The following LY6L variants were observed in gnomAD, a reference collection of about 807,000 sequenced individuals.
LY6L encodes lymphocyte antigen 6L.
In LY6L, 8 loss-of-function variants were observed where a neutral mutation model predicts 8.3. That is an observed-to-expected ratio of 0.97 (90% CI 0.57 to 1.74). The LOEUF (loss-of-function observed/expected upper bound fraction) is 1.74. Ranked by LOEUF, LY6L falls within the 40% of genes most tolerant of loss-of-function variation. The pLI, the probability that LY6L is intolerant of heterozygous loss-of-function variation, is 0.00. For synonymous variants in LY6L, 79 were observed against 77.9 expected (o/e 1.01, Z -0.07); for missense variants, 156 against 183.8 (o/e 0.85, Z 0.87).
At chr8:143,082,310 C>G (rs1293672646) in intron 3 of LY6L, 115 bp from the exon 4 acceptor site, 5 of 730,468 alleles carry the variant, frequency 6.8e-6, no homozygotes, top group Non-Finnish European at 1.1e-5. Context: ...GTTACGTGCT[C>G]TAGCTCTTTC....
chr8:143,081,160 G>C (rs112209434), intron 2 of LY6L, 34 bp downstream of exon 2: 60 of 1,531,312 alleles, frequency 3.9e-5, no homozygotes, highest in Non-Finnish European at 5.1e-5. Context: ...TGGGGGCGTC[G>C]GGGCTGGAGC....
In LY6L at chr8:143,082,643, C is replaced by T. The variant is rs1457751359; in HGVS notation, c.409C>T (p.Leu137=). Reference sequence around the variant, plus strand: ...GGTGGGCCTCAGCCTCCTCAGGGCCCTGTTGTGAGGGCCCTCCCTTTACGC... The same window carrying T: ...GGTGGGCCTCAGCCTCCTCAGGGCCTTGTTGTGAGGGCCCTCCCTTTACGC... ...LQVGLSLLRA[L]L The change falls in exon 4 of 4, where the codon CTG becomes TTG. Residue 137 remains leucine (L), a synonymous_variant. Transcript: ENST00000562505. 2 of 1,492,762 alleles carry T rather than the reference C, an allele frequency of 1.3e-6. No homozygotes were observed. The highest frequency in any genetic ancestry group is 5.0e-5 in the East Asian group (2 of 40,212). The allele number at this position is 1,492,762 out of a possible 1,614,324, so 92.5% of individuals were successfully genotyped here. A position where few individuals can be genotyped will look rare whatever the true frequency, so the allele number is the denominator to read the frequency against.
chr8:143,081,007 T>C (rs1329306622), intron 1 of LY6L, 29 bp from the exon 2 acceptor site: 6 of 1,476,288 alleles, frequency 4.1e-6, no homozygotes, highest in Middle Eastern at 3.5e-4. Flanking sequence ...GGGTGAAGCC[T>C]CCCGCAACAC....
intron 3 of LY6L, 103 bp from the exon 4 acceptor site, chr8:143,082,322 G>A (rs1490544042): frequency 2.5e-6 from 2 of 812,012 alleles, no homozygotes; most frequent in Non-Finnish European, 3.9e-6. Context: ...AGCTCTTTCT[G>A]GTCCCGGCTG....
rs1041272028 is a variant in LY6L at position 143,082,713 on chromosome 8, G to A, written c.*62G>A. On this transcript the variant is annotated 3_prime_UTR_variant, in exon 4 of 4. Coordinates refer to ENST00000562505, the MANE Select transcript of LY6L (RefSeq NM_001368160.2). Reference sequence around the variant, plus strand: ...CCCATCCCGTCTCCTGCCTCCAACTGCCATCCTGCCTCCGCCCCTTCCAGG... The same window carrying A: ...CCCATCCCGTCTCCTGCCTCCAACTACCATCCTGCCTCCGCCCCTTCCAGG... 2 of 1,285,538 alleles carry A rather than the reference G, an allele frequency of 1.6e-6. No individual in the cohort carries two copies. The highest frequency in any genetic ancestry group is 3.0e-5 in the African/African-American group (2 of 66,690). The allele number at this position is 1,285,538 out of a possible 1,614,324, so 79.6% of individuals were successfully genotyped here.
chr8:143,081,965 G>A (rs574840578), intron 3 of LY6L, among the ~76,000 whole-genome samples: 2 of 152,146 alleles, frequency 1.3e-5, no homozygotes, highest in Non-Finnish European at 2.9e-5. Flanking sequence ...AGACACGTCC[G>A]TCAGAAAGTC....
chr8:143,082,518 A>G lies in LY6L; in HGVS notation c.284A>G (p.Gln95Arg), dbSNP rs1376948515. Residue 95 changes from glutamine to arginine, a missense_variant, in exon 4 of 4, where the codon CAA (glutamine) becomes CGA (arginine). Gln to Arg is a conservative substitution (Grantham distance 43). Transcript: ENST00000562505. ...KFEWSPAPMVQGVITRRCCSW... is the reference protein window; with the variant it reads ...KFEWSPAPMVRGVITRRCCSW... ...GAATGGTCGCCGGCCCCCATGGTGCAAGGCGTGATCACCAGGCGCTGCTGT... is the reference window on the plus strand; with the variant it reads ...GAATGGTCGCCGGCCCCCATGGTGCGAGGCGTGATCACCAGGCGCTGCTGT... The G allele has an allele frequency of 6.5e-7, 1 of 1,535,270 alleles. No homozygotes were observed. Among genetic ancestry groups the G allele is most frequent in the African/African-American group, 1.4e-5 (1 of 73,040 alleles).
rs200469249 is a variant in LY6L, at chr8:143,082,667, G to GCC, written c.*20_*21dup. 19 of 1,450,358 alleles carry GCC rather than the reference G, an allele frequency of 1.3e-5. No homozygotes were observed. In the Admixed American group the frequency reaches 2.3e-4, roughly 17 times the overall value. 89.8% of individuals were successfully genotyped at this position (1,450,358 alleles called of 1,614,324 possible). Reference sequence around the variant, plus strand: ...CCTGTTGTGAGGGCCCTCCCTTTACGCCCCCTCCTGGCCCTGCTGGCCCAT... The same window carrying GCC: ...CCTGTTGTGAGGGCCCTCCCTTTACGCCCCCCCTCCTGGCCCTGCTGGCCCAT... On this transcript the variant is annotated 3_prime_UTR_variant, in exon 4 of 4. Coordinates refer to ENST00000562505, the MANE Select transcript of LY6L (RefSeq NM_001368160.2).
Position 143,081,193 on chromosome 8 carries a change from CCCGCTTGCTG to C in LY6L, c.74-15_74-6del. The C allele has an allele frequency of 6.5e-7, 1 of 1,527,278 alleles. No homozygotes were observed. The highest frequency in any genetic ancestry group is 2.0e-5 in the Admixed American group (1 of 50,576). The allele number at this position is 1,527,278 out of a possible 1,614,324, so 94.6% of individuals were successfully genotyped here. ...AGCTGCGGACGCTGGTCCACAGCGCCCCGCTTGCTGCCCACAGCTCGCAACCTGAGCTGCT... is the reference window on the plus strand; with the variant it reads ...AGCTGCGGACGCTGGTCCACAGCGCCCCCACAGCTCGCAACCTGAGCTGCT... On this transcript the variant is annotated splice_region_variant and splice_polypyrimidine_tract_variant and intron_variant, in intron 2 of 3. Transcript: ENST00000562505.
Position 143,082,581 on chromosome 8 carries a change from A to G in LY6L, c.347A>G (p.Glu116Gly). Residue 116 changes from glutamate (E) to glycine (G), a missense_variant, in exon 4 of 4, where the codon GAG becomes GGG. Physicochemically the swap from Glu to Gly is moderately conservative, Grantham distance 98. Transcript: ENST00000562505. ...ALCNRALTPQ[E>G]GRWALRGGLL... is the part of the protein sequence containing the mutation. ...TGCAACAGGGCACTGACCCCACAGG[A>G]GGGGCGCTGGGCCCTGCGAGGGGGG... 1 of 1,533,926 alleles carries G rather than the reference A, an allele frequency of 6.5e-7. No individual in the cohort carries two copies. Among genetic ancestry groups the G allele is most frequent in the Non-Finnish European group, 8.7e-7 (1 of 1,145,490 alleles).
In LY6L at chr8:143,082,508, C is replaced by G; in HGVS notation, c.274C>G (p.Pro92Ala). The stretch of plus-strand genomic sequence containing the variant: ...CATGAAGTTCGAATGGTCGCCGGCC[C>G]CCATGGTGCAAGGCGTGATCACCAG... ...DNMKFEWSPA[P>A]MVQGVITRRC... Residue 92 changes from proline to alanine, a missense_variant, in exon 4 of 4, where the codon CCC (proline) becomes GCC (alanine). Pro to Ala is a conservative substitution (Grantham distance 27, BLOSUM62 -1). Coordinates refer to ENST00000562505, the MANE Select transcript of LY6L (RefSeq NM_001368160.2). 2 of 1,535,492 alleles carry G rather than the reference C, an allele frequency of 1.3e-6. No individual in the cohort carries two copies. The highest frequency in any genetic ancestry group is 1.7e-6 in the Non-Finnish European group (2 of 1,146,724).
rs1185807089 is a variant in LY6L, at chr8:143,081,340, C to A, written c.190+13C>A. ...GTCGTCTCTTTTAGTGAGTCCCCCC[C>A]GGGCAGAGGGCAGGTGCCAGGTGCC... On this transcript the variant is annotated intron_variant, in intron 3 of 3. Coordinates refer to ENST00000562505, the MANE Select transcript of LY6L (RefSeq NM_001368160.2). The A allele has an allele frequency of 1.4e-6, 2 of 1,463,938 alleles. No individual in the cohort carries two copies. The highest frequency in any genetic ancestry group is 2.5e-5 in the East Asian group (1 of 39,746). 90.7% of individuals were successfully genotyped at this position (1,463,938 alleles called of 1,614,324 possible).
At position 143,082,749 on chromosome 8, in the gene LY6L, G is replaced by T; in HGVS notation, c.*98G>T. ...TCCGCCCCTTCCAGGACACTGGGGG[G>T]GGACCCTCCCTCTCTGAGGTGGTGG... On this transcript the variant is annotated 3_prime_UTR_variant, in exon 4 of 4. Transcript: ENST00000562505. 2 of 1,016,028 alleles carry T rather than the reference G, an allele frequency of 2.0e-6. No homozygotes were observed. The highest frequency in any genetic ancestry group is 2.7e-6 in the Non-Finnish European group (2 of 728,266). 62.9% of individuals were successfully genotyped at this position (1,016,028 alleles called of 1,614,324 possible).
chr8:143,083,005 C>T lies in LY6L; in HGVS notation c.*354C>T, dbSNP rs965114688. ...CCTCTGGTGTGGGTGATGGGATGGA[C>T]GGTGCCTCTGGTGTGGGTGATGGGA... On this transcript the variant is annotated 3_prime_UTR_variant, in exon 4 of 4. Coordinates refer to ENST00000562505, the MANE Select transcript of LY6L (RefSeq NM_001368160.2). The T allele has an allele frequency of 1.9e-5, 5 of 266,260 alleles. No individual in the cohort carries two copies. Among genetic ancestry groups the T allele is most frequent in the South Asian group, 1.1e-4 (2 of 18,166 alleles). 16.5% of individuals were successfully genotyped at this position (266,260 alleles called of 1,614,324 possible). A position where few individuals can be genotyped will look rare whatever the true frequency, so the allele number is the denominator to read the frequency against.
At chr8:143,081,454 C>T (rs1586643962) in intron 3 of LY6L, 127 bp downstream of exon 3, 1 of 577,728 alleles carries the variant, frequency 1.7e-6, no homozygotes, top group Non-Finnish European at 3.0e-6. Context: ...CCGAAAGTGC[C>T]TCCTGCTGTC....
rs13278569 is a variant in LY6L at position 143,083,058 on chromosome 8, A to G, written c.*407A>G. 0.073 allele frequency: 5,875 copies of G among 80,778 alleles called. 178 individuals carry two copies. The highest frequency in any genetic ancestry group is 0.2 in the African/African-American group (2,681 of 13,230). 5.0% of individuals were successfully genotyped at this position (80,778 alleles called of 1,614,324 possible). A position where few individuals can be genotyped will look rare whatever the true frequency, so the allele number is the denominator to read the frequency against. ...GACGGTGCCTCTGGTGTGGGTGATG[A>G]GAAGGACGGTGCCTCCGGTGTGGGT... is the stretch of plus-strand genomic sequence containing the variant. On this transcript the variant is annotated 3_prime_UTR_variant, in exon 4 of 4. Coordinates refer to ENST00000562505, the MANE Select transcript of LY6L (RefSeq NM_001368160.2).
Position 143,082,566 on chromosome 8 carries a change from C to T in LY6L, c.332C>T (p.Ala111Val). ...RCCSWALCNR[A>V]LTPQEGRWAL... is the part of the protein sequence containing the mutation. ...TGTTCCTGGGCTCTCTGCAACAGGG[C>T]ACTGACCCCACAGGAGGGGCGCTGG... The change falls in exon 4 of 4, where the codon GCA (alanine) becomes GTA (valine). Residue 111 changes from alanine (A) to valine (V), a missense_variant. Coordinates refer to ENST00000562505, the MANE Select transcript of LY6L (RefSeq NM_001368160.2). 6.5e-7 allele frequency: 1 copy of T among 1,535,000 alleles called. No homozygotes were observed. The highest frequency in any genetic ancestry group is 8.7e-7 in the Non-Finnish European group (1 of 1,146,294).
intron 2 of LY6L, 42 bp from the exon 3 acceptor site, chr8:143,081,169 G>A: frequency 6.5e-7 from 1 of 1,527,980 alleles, no homozygotes; most frequent in Non-Finnish European, 8.8e-7. Context: ...CGGGGCTGGA[G>A]CTGCGGACGC....
rs1820455999 is a variant in LY6L, at chr8:143,082,860, A to G, written c.*209A>G. The G allele has an allele frequency of 1.9e-6, 1 of 521,806 alleles. No homozygotes were observed. The highest frequency in any genetic ancestry group is 1.9e-5 in the African/African-American group (1 of 52,188). 32.3% of individuals were successfully genotyped at this position (521,806 alleles called of 1,614,324 possible). A position where few individuals can be genotyped will look rare whatever the true frequency, so the allele number is the denominator to read the frequency against. ...CTTTGCTGGAGAACCCCAAGGATTC[A>G]GCAACTGCTCCTCCTGGGGAAGGAC... On this transcript the variant is annotated 3_prime_UTR_variant, in exon 4 of 4. Coordinates refer to ENST00000562505, the MANE Select transcript of LY6L (RefSeq NM_001368160.2).
Sources: allele counts gnomAD v4.1 joint callset (sites outside exome capture counted in the v4.1 genomes callset), GRCh38; gene constraint gnomAD v4.1.1; transcripts MANE v1.5; gene names NCBI Gene and HGNC (gene_info 2026-07-23, HGNC 2026-07-21).